TG: variants seen among roughly 807,000 people sequenced by gnomAD.
The protein encoded by TG is thyroglobulin.
TG carries 270 observed loss-of-function variants against 324.7 expected under a neutral mutation model. The observed-to-expected ratio is 0.83, with a 90% CI of 0.75 to 0.92. The LOEUF (loss-of-function observed/expected upper bound fraction) is 0.92. TG is among the 40% of genes least tolerant of loss of function. TG has a pLI of 0.00. For missense variants in TG, 3,591 were observed against 3,456.4 expected (o/e 1.04, Z -0.98); for synonymous variants, 1,401 against 1,327.0 (o/e 1.06, Z -1.21).
chr8:133,093,138 T>TC (rs1256517554), intron 41 of TG, among the ~76,000 whole-genome samples: 23 of 70,438 alleles, frequency 3.3e-4, no homozygotes, highest in African/African-American at 1.2e-3. Flanking sequence ...TCTTTTCTTT[T>TC]CTTTTTTTTT....
intron 16 of TG, among the ~76,000 whole-genome samples, chr8:132,902,641 A>C (rs1336701605): frequency 6.6e-6 from 1 of 152,188 alleles, no homozygotes; most frequent in East Asian, 1.9e-4. Context: ...ATATGTATGC[A>C]TGCAACTGCC....
chr8:133,095,017 C>T, intron 41 of TG, 27 bp from the exon 42 acceptor site: 1 of 1,612,580 alleles, frequency 6.2e-7, no homozygotes, highest in South Asian at 1.1e-5. Flanking sequence ...TCTGAACCAT[C>T]TGCCCTGAGC....
rs183055734 is a variant in TG, at chr8:132,889,443, G to T, written c.2761+875G>T. Reference sequence around the variant, plus strand: ...AATTTTAGGCTTTAGCAGCAACTGGGTTTTTAAAATGTCGGGTGAAAGTAC... The same window carrying T: ...AATTTTAGGCTTTAGCAGCAACTGGTTTTTTAAAATGTCGGGTGAAAGTAC... On this transcript the variant is annotated intron_variant, in intron 10 of 47. Coordinates refer to ENST00000220616, the MANE Select transcript of TG (RefSeq NM_003235.5). Among the ~76,000 whole-genome samples, 622 of 152,298 alleles carry T rather than the reference G, an allele frequency of 4.1e-3. 4 individuals are homozygous for T. The highest frequency in any genetic ancestry group is 0.014 in the African/African-American group (589 of 41,554).
chr8:132,870,531 G>A (rs1295752253), intron 3 of TG, among the ~76,000 whole-genome samples: 12 of 151,356 alleles, frequency 7.9e-5, no homozygotes, highest in Non-Finnish European at 8.8e-5. Flanking sequence ...TAAACACTAG[G>A]CACATAGTAG....
At chr8:132,979,621 A>G (rs1040235307) in intron 34 of TG, among the ~76,000 whole-genome samples, 1 of 152,180 alleles carries the variant, frequency 6.6e-6, no homozygotes, top group Non-Finnish European at 1.5e-5. Context: ...ATCTCATTTA[A>G]TTCCCTAACA....
Position 133,029,920 on chromosome 8 carries a change from G to T in TG, c.7136G>T (p.Arg2379Leu), listed in dbSNP as rs377043149. The change falls in exon 41 of 48, where the codon CGC becomes CTC. Residue 2379 changes from arginine to leucine, a missense_variant. Coordinates refer to ENST00000220616, the MANE Select transcript of TG (RefSeq NM_003235.5). ...CGAGGATTTGGCGGGGACCCTCGGC[G>T]CGTGTCCCTGGCAGCAGACCGTGGC... The part of the protein sequence containing the change: ...HIRGFGGDPR[R>L]VSLAADRGGA... 6.2e-7 allele frequency: 1 copy of T among 1,614,098 alleles called. No homozygotes were observed. Among genetic ancestry groups the T allele is most frequent in the East Asian group, 2.2e-5 (1 of 44,896 alleles).
chr8:132,881,801 C>T, intron 5 of TG, 62 bp from the exon 6 acceptor site: 4 of 1,174,794 alleles, frequency 3.4e-6, no homozygotes, highest in Non-Finnish European at 3.8e-6. Flanking sequence ...TTTATTTCTA[C>T]AGGAAAAGCT....
intron 25 of TG, among the ~76,000 whole-genome samples, chr8:132,938,143 A>G (rs911748274): frequency 1.3e-5 from 2 of 152,178 alleles, no homozygotes; most frequent in African/African-American, 2.4e-5. Context: ...ACCGAGGAGG[A>G]CAGGACACAG....
intron 25 of TG, among the ~76,000 whole-genome samples, chr8:132,937,600 C>T (rs1016796928): frequency 6.6e-6 from 1 of 152,142 alleles, no homozygotes; most frequent in South Asian, 2.1e-4. Flanking sequence ...CAATTATTTT[C>T]ATTGTCCTGT....
Position 132,901,424 on chromosome 8 carries a change from T to G in TG, c.3505T>G (p.Cys1169Gly), listed in dbSNP as rs1817912238. The G allele has an allele frequency of 3.7e-6, 6 of 1,614,238 alleles. No individual in the cohort carries two copies. The highest frequency in any genetic ancestry group is 5.1e-6 in the Non-Finnish European group (6 of 1,180,042). Reference protein sequence around the residue: ...RRVSPGYVPACRAEDGGFSPV... With the variant: ...RRVSPGYVPAGRAEDGGFSPV... ...AGTCAGCCCAGGCTATGTCCCAGCCTGCAGGGCAGAGGATGGGGGCTTTTC... is the reference window on the plus strand; with the variant it reads ...AGTCAGCCCAGGCTATGTCCCAGCCGGCAGGGCAGAGGATGGGGGCTTTTC... The change falls in exon 16 of 48, where the codon TGC becomes GGC. Residue 1169 changes from cysteine (C) to glycine (G), a missense_variant. Transcript: ENST00000220616.
At position 133,133,532 on chromosome 8, in the gene TG, A is replaced by G. The variant is rs769942851; in HGVS notation, c.8060A>G (p.Asp2687Gly). ...CCCACATTTGCAACCCCCTGGCCTG[A>G]CTTTGTACCCCGTGCTGGTGGAGAG... ...KVPTFATPWP[D>G]FVPRAGGENY... Residue 2687 changes from aspartate (D) to glycine (G), a missense_variant, in exon 47 of 48, where the codon GAC (aspartate) becomes GGC (glycine). Asp to Gly is a moderately conservative substitution (Grantham distance 94). Transcript: ENST00000220616. 6.2e-7 allele frequency: 1 copy of G among 1,614,188 alleles called. No homozygotes were observed.
At chr8:133,007,452 C>T (rs1367802597) in intron 35 of TG, among the ~76,000 whole-genome samples, 3 of 151,898 alleles carry the variant, frequency 2.0e-5, no homozygotes, top group South Asian at 2.1e-4. Context: ...TATTGTTACA[C>T]AGACCAAAAA....
intron 20 of TG, among the ~76,000 whole-genome samples, chr8:132,916,324 G>T (rs1820283390): frequency 6.6e-6 from 1 of 152,224 alleles, no homozygotes. Context: ...AAAATTGGCA[G>T]TGCTGAGATC....
At chr8:132,947,605 A>G (rs1395953247) in intron 26 of TG, among the ~76,000 whole-genome samples, 1 of 150,064 alleles carries the variant, frequency 6.7e-6, no homozygotes, top group East Asian at 2.0e-4. Context: ...AGAATGAGGA[A>G]TGGAGTAGGA....
chr8:132,988,289 G>A (rs1215957592), intron 35 of TG, among the ~76,000 whole-genome samples: 1 of 152,148 alleles, frequency 6.6e-6, no homozygotes, highest in South Asian at 2.1e-4. Context: ...GTGTGCATCT[G>A]TCAGATGGCC....
chr8:132,989,498 C>T (rs1054096299), intron 35 of TG, among the ~76,000 whole-genome samples: 2 of 152,258 alleles, frequency 1.3e-5, no homozygotes, highest in Middle Eastern at 3.4e-3. Context: ...CGAGGTGGAG[C>T]GAAGAGAGAT....
At chr8:133,033,114 T>C (rs1047180949) in intron 41 of TG, among the ~76,000 whole-genome samples, 2 of 152,200 alleles carry the variant, frequency 1.3e-5, no homozygotes, top group Non-Finnish European at 2.9e-5. Context: ...TAGGCCTGCA[T>C]GAAGATCCTG....
intron 42 of TG, 106 bp downstream of exon 42, chr8:133,095,314 GA>G: frequency 1.3e-6 from 2 of 1,492,116 alleles, no homozygotes; most frequent in Non-Finnish European, 1.9e-6. Flanking sequence ...TACCACACAT[GA>G]GGCTGATGAC....
chr8:132,910,601 G>A (rs1202018486), intron 18 of TG, among the ~76,000 whole-genome samples: 2 of 151,964 alleles, frequency 1.3e-5, no homozygotes, highest in African/African-American at 4.8e-5. Flanking sequence ...GAGACCCAGA[G>A]AGATCCTTGC....
Sources: gnomAD v4.1 joint callset for allele counts (sites outside exome capture counted in the v4.1 genomes callset) on GRCh38, gnomAD v4.1.1 for gene constraint, MANE v1.5 for transcripts, NCBI Gene and HGNC (gene_info 2026-07-23, HGNC 2026-07-21) for gene names.